GPSM2: variants seen among roughly 807,000 people sequenced by gnomAD.
GPSM2 encodes G protein signaling modulator 2.
In GPSM2, 58 loss-of-function variants were observed where a neutral mutation model predicts 78.4. The ratio of observed to expected loss-of-function variants is 0.74; its 90% CI spans 0.60 to 0.92. GPSM2 has a LOEUF of 0.92. GPSM2 is among the 40% of genes least tolerant of loss of function. The pLI is 0.00. For synonymous variants in GPSM2, 224 were observed against 280.2 expected (o/e 0.80, Z 2.00); for missense variants, 700 against 815.5 (o/e 0.86, Z 1.73).
chr1:108,881,262 A>T (rs1474187876), intron 1 of GPSM2, among the ~76,000 whole-genome samples: 2 of 152,222 alleles, frequency 1.3e-5, no homozygotes, highest in Admixed American at 6.5e-5. Context: ...GGAAGATGCT[A>T]TTAAGAGACA....
rs1650160453 is a variant in GPSM2, at chr1:108,915,714, T to A, written c.1263+1306T>A. ...TGCTGGGATTACAGGCGTGAGCCAC[T>A]GCTCCTGGCCTTTCTTTATTTTACT... On this transcript the variant is annotated intron_variant, in intron 11 of 14. Coordinates refer to ENST00000264126, the MANE Select transcript of GPSM2 (RefSeq NM_013296.5). Among the ~76,000 whole-genome samples the A allele has an allele frequency of 3.3e-5, 5 of 151,856 alleles. No homozygotes were observed. The South Asian group carries it at 1.0e-3, about 32-fold the overall frequency.
Position 108,918,765 on chromosome 1 carries a change from C to A in GPSM2, c.1416C>A (p.Asp472Glu). Residue 472 changes from aspartate (D) to glutamate (E), a missense_variant, in exon 12 of 15, where the codon GAC (aspartate) becomes GAA (glutamate). Physicochemically the swap from Asp to Glu is conservative, Grantham distance 45. Transcript: ENST00000264126. ...TCCAAGATGCCAGTAATTCTATTGA[C>A]CACCGAATTCCAAATTCTCAGAGGG... The part of the protein sequence containing the change: ...KVLQDASNSI[D>E]HRIPNSQRKI... The A allele has an allele frequency of 6.2e-7, 1 of 1,613,048 alleles. No individual in the cohort carries two copies. Among genetic ancestry groups the A allele is most frequent in the Non-Finnish European group, 8.5e-7 (1 of 1,179,086 alleles).
rs1649455103 is a variant in GPSM2, at chr1:108,908,683, G to A, written c.1192+4429G>A. ...AGACTCCGTCTCAAAACACACGTGCGCGCACACACACACAGCCGACAGCCA... is the reference window on the plus strand; with the variant it reads ...AGACTCCGTCTCAAAACACACGTGCACGCACACACACACAGCCGACAGCCA... On this transcript the variant is annotated intron_variant, in intron 10 of 14. Transcript: ENST00000264126. Among the ~76,000 whole-genome samples the A allele has an allele frequency of 4.0e-5, 5 of 123,862 alleles. 1 individual carries two copies. Among genetic ancestry groups the A allele is most frequent in the Middle Eastern group, 8.4e-3 (2 of 238 alleles). 81.3% of individuals were successfully genotyped at this position (123,862 alleles called of 152,430 possible).
intron 1 of GPSM2, among the ~76,000 whole-genome samples, chr1:108,878,263 GA>G (rs1014476524): frequency 4.6e-5 from 7 of 152,164 alleles, no homozygotes; most frequent in African/African-American, 1.7e-4. Flanking sequence ...TGTGTAAGGA[GA>G]GGGGGGCCTC....
At chr1:108,901,026 A>G (rs574459409) in intron 7 of GPSM2, among the ~76,000 whole-genome samples, 1 of 152,354 alleles carries the variant, frequency 6.6e-6, no homozygotes, top group East Asian at 1.9e-4. Context: ...TACAGCAACT[A>G]CTATGCACAA....
chr1:108,885,352 C>T lies in GPSM2; in HGVS notation c.-171C>T, dbSNP rs1468135760. 1.9e-6 allele frequency: 1 copy of T among 522,818 alleles called. No homozygotes were observed. The highest frequency in any genetic ancestry group is 3.4e-6 in the Non-Finnish European group (1 of 296,312). The allele number at this position is 522,818 out of a possible 1,614,324, so 32.4% of individuals were successfully genotyped here. A position where few individuals can be genotyped will look rare whatever the true frequency, so the allele number is the denominator to read the frequency against. On this transcript the variant is annotated 5_prime_UTR_variant, in exon 2 of 15. Transcript: ENST00000264126. Reference sequence around the variant, plus strand: ...CATTTTGAACCTTTAAGCTGTCTGACATTGACCTCCTTTCATTATTAATAA... The same window carrying T: ...CATTTTGAACCTTTAAGCTGTCTGATATTGACCTCCTTTCATTATTAATAA...
chr1:108,894,212 A>G (rs143770462), intron 2 of GPSM2, among the ~76,000 whole-genome samples: 1 of 152,288 alleles, frequency 6.6e-6, no homozygotes, highest in East Asian at 1.9e-4. Flanking sequence ...TCATTTTTGG[A>G]AGGCAAAAAT....
chr1:108,931,483 C>T lies in GPSM2; in HGVS notation c.*1543C>T. Reference sequence around the variant, plus strand: ...CACTCTGCTTGCTTCAGACTGTGCACAGCTGGGATGGGATCTGGGGATGTG... The same window carrying T: ...CACTCTGCTTGCTTCAGACTGTGCATAGCTGGGATGGGATCTGGGGATGTG... On this transcript the variant is annotated 3_prime_UTR_variant, in exon 15 of 15. Coordinates refer to ENST00000264126, the MANE Select transcript of GPSM2 (RefSeq NM_013296.5). 1 of 1,550,510 alleles carries T rather than the reference C, an allele frequency of 6.4e-7. No individual in the cohort carries two copies. The highest frequency in any genetic ancestry group is 1.2e-5 in the South Asian group (1 of 84,018).
chr1:108,903,457 G>A (rs1209125967), intron 9 of GPSM2, among the ~76,000 whole-genome samples: 1 of 152,064 alleles, frequency 6.6e-6, no homozygotes, highest in African/African-American at 2.4e-5. Context: ...GCCGGGCATG[G>A]GGAAGTGGAA....
chr1:108,921,514 A>C (rs1650709175), intron 12 of GPSM2, among the ~76,000 whole-genome samples: 1 of 152,056 alleles, frequency 6.6e-6, no homozygotes, highest in Admixed American at 6.5e-5. Context: ...GCCTTCATTT[A>C]TTATCTCTAA....
At chr1:108,886,486 G>GGAGAAAT (rs77168464) in intron 2 of GPSM2, among the ~76,000 whole-genome samples, 10,933 of 152,252 alleles carry the variant, frequency 0.072, 502 homozygotes, top group Non-Finnish European at 0.11. Flanking sequence ...AAGCTTCACG[G>GGAGAAAT]TCCCTAGGGA....
rs201252180 is a variant in GPSM2 at position 108,906,298 on chromosome 1, G to A, written c.1192+2044G>A. 8.6e-5 allele frequency among the ~76,000 whole-genome samples: 13 copies of A among 151,706 alleles called. No homozygotes were observed. The East Asian group carries it at 2.5e-3, about 29-fold the overall frequency. ...TCACTCTGTTGCCCGAGCTGGTCTC[G>A]AACTCTTGTCCTCAAGAGATCTTCC... On this transcript the variant is annotated intron_variant, in intron 10 of 14. Transcript: ENST00000264126.
chr1:108,885,316 G>T lies in GPSM2; in HGVS notation c.-207G>T, dbSNP rs888773703. 5 of 469,364 alleles carry T rather than the reference G, an allele frequency of 1.1e-5. No individual in the cohort carries two copies. The highest frequency in any genetic ancestry group is 1.9e-5 in the Non-Finnish European group (5 of 265,148). 29.1% of individuals were successfully genotyped at this position (469,364 alleles called of 1,614,324 possible). ...CTGCTGAAAGGGCCAGAGATGCAAG[G>T]ATTTGGGATACATTTTGAACCTTTA... On this transcript the variant is annotated 5_prime_UTR_variant, in exon 2 of 15. Transcript: ENST00000264126.
chr1:108,929,186 G>A (rs1651453064), intron 14 of GPSM2, among the ~76,000 whole-genome samples: 1 of 152,110 alleles, frequency 6.6e-6, no homozygotes, highest in Admixed American at 6.6e-5. Flanking sequence ...ATAAACATAT[G>A]TATTGATGGG....
chr1:108,886,293 T>A (rs528542706), intron 2 of GPSM2, among the ~76,000 whole-genome samples: 1 of 152,252 alleles, frequency 6.6e-6, no homozygotes, highest in Non-Finnish European at 1.5e-5. Flanking sequence ...ATTATTAAAA[T>A]ACAAACAAGC....
intron 14 of GPSM2, chr1:108,926,652 C>A (rs545245813): frequency 6.6e-6 from 1 of 152,056 alleles, no homozygotes; most frequent in South Asian, 2.1e-4. Context: ...AAAACACATA[C>A]AGGAAAAAAA....
intron 10 of GPSM2, among the ~76,000 whole-genome samples, chr1:108,905,041 T>C (rs973806637): frequency 6.6e-6 from 1 of 152,150 alleles, no homozygotes; most frequent in African/African-American, 2.4e-5. Flanking sequence ...CCTTTACTTT[T>C]TCCAATTTTT....
intron 1 of GPSM2, among the ~76,000 whole-genome samples, chr1:108,881,846 G>A (rs778468467): frequency 1.4e-4 from 22 of 152,064 alleles, no homozygotes; most frequent in Non-Finnish European, 2.9e-4. Flanking sequence ...TCGTTAATTT[G>A]TGAAACATGT....
intron 7 of GPSM2, among the ~76,000 whole-genome samples, chr1:108,899,249 G>C (rs1202505366): frequency 6.6e-6 from 1 of 152,188 alleles, no homozygotes; most frequent in African/African-American, 2.4e-5. Context: ...GCAGCAGTAT[G>C]ACCCCTTTAT....
Sources: allele counts gnomAD v4.1 joint callset (sites outside exome capture counted in the v4.1 genomes callset), GRCh38; gene constraint gnomAD v4.1.1; transcripts MANE v1.5; gene names NCBI Gene and HGNC (gene_info 2026-07-23, HGNC 2026-07-21).